Variants in TBCK observed in about 807,000 individuals in gnomAD.
TBCK encodes TBC1 domain containing kinase, also known as TBC domain-containing protein kinase-like protein.
A neutral mutation model predicts 113.4 loss-of-function variants in TBCK; 99 were observed. That is an observed-to-expected ratio of 0.87 (90% CI 0.74 to 1.03). TBCK has a LOEUF of 1.03. Ranked by LOEUF, TBCK falls within the 50% of genes least tolerant of loss-of-function variation. The pLI is 0.00. For synonymous variants in TBCK, 369 were observed against 370.8 expected, an observed-to-expected ratio of 1.00 and a Z score of 0.05; for missense variants, 1,045 against 1,061.3, an observed-to-expected ratio of 0.98 and a Z score of 0.21.
intron 3 of TBCK, among the ~76,000 whole-genome samples, chr4:106,293,026 A>G (rs1041580261): frequency 8.5e-5 from 13 of 152,334 alleles, no homozygotes; most frequent in South Asian, 2.1e-4. Context: ...CAGATCACCT[A>G]TCTCAGCTTT....
At chr4:106,099,267 G>A (rs998392588) in intron 24 of TBCK, among the ~76,000 whole-genome samples, 4 of 152,054 alleles carry the variant, frequency 2.6e-5, no homozygotes, top group African/African-American at 9.7e-5. Context: ...ACAGAAACCA[G>A]CTCATGTTTT....
intron 12 of TBCK, chr4:106,238,567 C>A (rs541168281): frequency 6.6e-6 from 1 of 152,028 alleles, no homozygotes; most frequent in Non-Finnish European, 1.5e-5. Flanking sequence ...AGGGGAATTG[C>A]TGGCTTAGAC....
At chr4:106,299,992 C>G (rs571478395) in intron 2 of TBCK, among the ~76,000 whole-genome samples, 1 of 152,142 alleles carries the variant, frequency 6.6e-6, no homozygotes, top group Non-Finnish European at 1.5e-5. Flanking sequence ...TGAATTCTCA[C>G]GTGTTGTGGG....
intron 23 of TBCK, among the ~76,000 whole-genome samples, chr4:106,117,968 C>T (rs1743750768): frequency 6.7e-6 from 1 of 149,300 alleles, no homozygotes. Flanking sequence ...AACATAGTGC[C>T]ACTGCACTCC....
At chr4:106,132,432 G>A (rs952410806) in intron 23 of TBCK, among the ~76,000 whole-genome samples, 3 of 152,246 alleles carry the variant, frequency 2.0e-5, no homozygotes, top group Non-Finnish European at 2.9e-5. Context: ...GTGCTGCACA[G>A]AAGTGCACAG....
At chr4:106,248,372 T>C in intron 8 of TBCK, 66 bp from the exon 9 acceptor site, 4 of 1,160,154 alleles carry the variant, frequency 3.4e-6, no homozygotes, top group Admixed American at 2.4e-5. Context: ...TTTATTCAAA[T>C]GTTTGCTAAT....
chr4:106,122,117 T>C (rs1360413397), intron 23 of TBCK, among the ~76,000 whole-genome samples: 1 of 151,860 alleles, frequency 6.6e-6, no homozygotes, highest in African/African-American at 2.4e-5. Flanking sequence ...ACAAAATTGA[T>C]AGACCGCTAG....
At chr4:106,305,956 T>C (rs910506413) in intron 2 of TBCK, among the ~76,000 whole-genome samples, 1 of 152,142 alleles carries the variant, frequency 6.6e-6, no homozygotes, top group Non-Finnish European at 1.5e-5. Context: ...ACCATAAAAA[T>C]GGACAACCAG....
At chr4:106,123,511 G>A (rs1171601688) in intron 23 of TBCK, among the ~76,000 whole-genome samples, 1 of 151,986 alleles carries the variant, frequency 6.6e-6, no homozygotes, top group East Asian at 1.9e-4. Context: ...TCACAGAATT[G>A]GAAAAAACTA....
At chr4:106,175,875 C>T (rs892360842) in intron 22 of TBCK, among the ~76,000 whole-genome samples, 3 of 152,100 alleles carry the variant, frequency 2.0e-5, no homozygotes, top group Non-Finnish European at 4.4e-5. Flanking sequence ...TTTTTGTTAT[C>T]TGAAGTAACT....
At chr4:106,215,248 C>T (rs1169512518) in intron 19 of TBCK, among the ~76,000 whole-genome samples, 8 of 152,002 alleles carry the variant, frequency 5.3e-5, no homozygotes, top group Non-Finnish European at 1.2e-4. Flanking sequence ...CCGGTACCAG[C>T]CGCTGCAAAA....
intron 3 of TBCK, among the ~76,000 whole-genome samples, chr4:106,283,424 A>G (rs1039272546): frequency 2.6e-5 from 4 of 152,154 alleles, no homozygotes; most frequent in Non-Finnish European, 5.9e-5. Flanking sequence ...GGAGGAAAAT[A>G]TAATTTTTGC....
intron 4 of TBCK, 43 bp from the exon 5 acceptor site, chr4:106,260,553 T>C (rs1762412161): frequency 1.6e-6 from 1 of 608,100 alleles, no homozygotes; most frequent in Non-Finnish European, 2.6e-6. Context: ...TAATTTATTA[T>C]AATTGGCAAC....
chr4:106,123,712 C>T (rs1392337511), intron 23 of TBCK, among the ~76,000 whole-genome samples: 2 of 152,038 alleles, frequency 1.3e-5, no homozygotes, highest in African/African-American at 4.8e-5. Context: ...CTACAACTAC[C>T]TGATCTTTGA....
At chr4:106,255,215 C>T (rs982817373) in intron 5 of TBCK, among the ~76,000 whole-genome samples, 1 of 152,198 alleles carries the variant, frequency 6.6e-6, no homozygotes, top group Non-Finnish European at 1.5e-5. Flanking sequence ...GAACATATCA[C>T]GGGATTTTGT....
chr4:106,121,030 G>C (rs1744285852), intron 23 of TBCK, among the ~76,000 whole-genome samples: 1 of 152,082 alleles, frequency 6.6e-6, no homozygotes, highest in Non-Finnish European at 1.5e-5. Flanking sequence ...GCTACGGGAG[G>C]ACATTCAAAC....
intron 3 of TBCK, among the ~76,000 whole-genome samples, chr4:106,290,423 A>T (rs1034709255): frequency 6.6e-6 from 1 of 151,998 alleles, no homozygotes; most frequent in Non-Finnish European, 1.5e-5. Context: ...TGATCCGCCC[A>T]CCTTGGCCTC....
chr4:106,255,566 C>T (rs1442777578), intron 5 of TBCK, among the ~76,000 whole-genome samples: 1 of 152,146 alleles, frequency 6.6e-6, no homozygotes, highest in Non-Finnish European at 1.5e-5. Flanking sequence ...CATGGTTGTG[C>T]CCGGAAACTT....
chr4:106,220,718 C>CA (rs1428421595), intron 19 of TBCK, among the ~76,000 whole-genome samples: 2 of 152,130 alleles, frequency 1.3e-5, no homozygotes, highest in East Asian at 1.9e-4. Context: ...CCTCTCTGCA[C>CA]AAAAAAGGTA....
Sources: allele counts gnomAD v4.1 joint callset (sites outside exome capture counted in the v4.1 genomes callset), GRCh38; gene constraint gnomAD v4.1.1; transcripts MANE v1.5; gene names NCBI Gene and HGNC (gene_info 2026-07-23, HGNC 2026-07-21).